Variants in DCAF6 observed in about 807,000 individuals in gnomAD.
DCAF6 encodes the protein DDB1 and CUL4 associated factor 6, also known as DDB1- and CUL4-associated factor 6.
In DCAF6, 54 loss-of-function variants were observed where a neutral mutation model predicts 125.1. That is an observed-to-expected ratio of 0.43 (90% CI 0.35 to 0.54). The LOEUF (loss-of-function observed/expected upper bound fraction) is 0.54. DCAF6 is among the 20% of genes least tolerant of loss of function. The pLI is 0.01. For missense variants in DCAF6, 934 were observed against 1,161.7 expected, an observed-to-expected ratio of 0.80 and a Z score of 2.85; for synonymous variants, 371 against 390.4, an observed-to-expected ratio of 0.95 and a Z score of 0.58.
intron 13 of DCAF6, among the ~76,000 whole-genome samples, chr1:168,042,297 C>T (rs148369208): frequency 1.4e-4 from 21 of 152,088 alleles, no homozygotes; most frequent in African/African-American, 4.3e-4. Context: ...AAATCTCAGT[C>T]AGATTGTTAT....
chr1:167,920,175 C>T, the DCAF6 span: 34 of 839,064 alleles, frequency 4.1e-5, 1 homozygote, highest in Non-Finnish European at 5.9e-5. Context: ...AAAGTAATTA[C>T]AACAATAATG....
Position 167,952,703 on chromosome 1 carries a change from C to T in DCAF6, c.159+842C>T, listed in dbSNP as rs144872925. 2.6e-5 allele frequency among the ~76,000 whole-genome samples: 4 copies of T among 152,234 alleles called. No individual in the cohort carries two copies. The South Asian group carries it at 6.2e-4, about 24-fold the overall frequency. On this transcript the variant is annotated intron_variant, in intron 2 of 21. Transcript: ENST00000367840. ...TGGTATCTCCCACCCTCTTTTCTCTCCAGCTCAAAATGACCCTATCTAGTC... is the reference window on the plus strand; with the variant it reads ...TGGTATCTCCCACCCTCTTTTCTCTTCAGCTCAAAATGACCCTATCTAGTC...
rs554861802 is a variant in DCAF6 at position 168,055,331 on chromosome 1, GTTTTTT to G, written c.2300+4422_2300+4427del. On this transcript the variant is annotated intron_variant, in intron 17 of 21. Transcript: ENST00000367840. ...TTGAATTGAAAAAAATCAGGCTTAAGTTTTTTTTTTTTTTTTTTTTTTTTTTTTTAA... is the reference window on the plus strand; with the variant it reads ...TTGAATTGAAAAAAATCAGGCTTAAGTTTTTTTTTTTTTTTTTTTTTTTAA... 6.6e-4 allele frequency among the ~76,000 whole-genome samples: 21 copies of G among 31,624 alleles called. 7 individuals carry two copies. The highest frequency in any genetic ancestry group is 2.7e-3 in the East Asian group (3 of 1,098). The allele number at this position is 31,624 out of a possible 152,430, so 20.7% of individuals were successfully genotyped here.
At chr1:168,032,695 C>T (rs957727234) in intron 12 of DCAF6, among the ~76,000 whole-genome samples, 2 of 152,062 alleles carry the variant, frequency 1.3e-5, no homozygotes, top group Non-Finnish European at 2.9e-5. Flanking sequence ...CAATAGAAAA[C>T]TCATTAGGTA....
chr1:168,067,426 A>G (rs1267800846), intron 20 of DCAF6, among the ~76,000 whole-genome samples: 2 of 152,104 alleles, frequency 1.3e-5, no homozygotes, highest in Non-Finnish European at 2.9e-5. Flanking sequence ...CTGTTTGTAA[A>G]TGGGGTAGAT....
chr1:168,070,318 CAGTT>C (rs1692868980), intron 21 of DCAF6, among the ~76,000 whole-genome samples: 1 of 151,974 alleles, frequency 6.6e-6, no homozygotes, highest in Non-Finnish European at 1.5e-5. Context: ...TTTGATGGGT[CAGTT>C]AGTCAACCAC....
rs548868962 is a variant in DCAF6, at chr1:167,976,453, C to G, written c.438+1438C>G. Reference sequence around the variant, plus strand: ...CGCTACTGTACTCCAACCTGGGCGACAGAGTGAGACTGTGTCTCAAAAATA... The same window carrying G: ...CGCTACTGTACTCCAACCTGGGCGAGAGAGTGAGACTGTGTCTCAAAAATA... On this transcript the variant is annotated intron_variant, in intron 4 of 21. Transcript: ENST00000367840. Among the ~76,000 whole-genome samples the G allele has an allele frequency of 9.8e-5, 15 of 152,298 alleles. No individual in the cohort carries two copies. The South Asian group carries it at 1.0e-3, about 11-fold the overall frequency.
chr1:167,870,254 C>CACCT, the DCAF6 span: 1 of 1,614,026 alleles, frequency 6.2e-7, no homozygotes, highest in Non-Finnish European at 8.5e-7. Context: ...CCAAGACACT[C>CACCT]ACCTGTGATT....
At chr1:167,911,402 T>A in the DCAF6 span, among the ~76,000 whole-genome samples, 3 of 152,288 alleles carry the variant, frequency 2.0e-5, no homozygotes, top group Non-Finnish European at 2.9e-5. Flanking sequence ...ATATTTGCCC[T>A]GGCATGCTTA....
At chr1:167,995,492 C>T (rs1183838541) in intron 7 of DCAF6, among the ~76,000 whole-genome samples, 6 of 151,982 alleles carry the variant, frequency 3.9e-5, no homozygotes, top group African/African-American at 1.4e-4. Context: ...CCAACCTGGC[C>T]AACATGGTGA....
At chr1:168,012,166 A>G (rs1044618847) in intron 10 of DCAF6, among the ~76,000 whole-genome samples, 3 of 152,228 alleles carry the variant, frequency 2.0e-5, no homozygotes, top group African/African-American at 7.2e-5. Flanking sequence ...TATAGCAGGC[A>G]GATAAAGTGC....
intron 20 of DCAF6, among the ~76,000 whole-genome samples, chr1:168,067,011 C>T (rs912452497): frequency 6.6e-6 from 1 of 152,012 alleles, no homozygotes; most frequent in Non-Finnish European, 1.5e-5. Flanking sequence ...CTTTGGAGCT[C>T]TGGATTTCTT....
intron 4 of DCAF6, among the ~76,000 whole-genome samples, chr1:167,982,431 T>C (rs1399993749): frequency 6.6e-6 from 1 of 152,092 alleles, no homozygotes; most frequent in Non-Finnish European, 1.5e-5. Context: ...CTAGTAGAGA[T>C]GGGGTTTCAC....
intron 21 of DCAF6, among the ~76,000 whole-genome samples, chr1:168,071,040 AT>A (rs751485109): frequency 6.6e-6 from 1 of 152,186 alleles, no homozygotes; most frequent in Non-Finnish European, 1.5e-5. Context: ...TCGTTCACAG[AT>A]TGACTCCCTC....
chr1:168,070,189 A>G (rs1311557257), intron 21 of DCAF6, among the ~76,000 whole-genome samples: 1 of 152,112 alleles, frequency 6.6e-6, no homozygotes. Flanking sequence ...AATCAAAAAG[A>G]CAATTTCTAG....
At chr1:167,902,942 A>G in the DCAF6 span, among the ~76,000 whole-genome samples, 21 of 152,220 alleles carry the variant, frequency 1.4e-4, no homozygotes, top group African/African-American at 4.6e-4. Flanking sequence ...TTTGGGTTTT[A>G]TAGATGCTGG....
intron 20 of DCAF6, 62 bp downstream of exon 20, chr1:168,066,527 A>C: frequency 3.4e-6 from 4 of 1,183,466 alleles, no homozygotes. Flanking sequence ...ATGCTTCCCT[A>C]AGAAAAATTA....
chr1:167,991,879 G>A (rs1298940189), intron 6 of DCAF6, among the ~76,000 whole-genome samples: 1 of 152,108 alleles, frequency 6.6e-6, no homozygotes, highest in Non-Finnish European at 1.5e-5. Context: ...CAGTTAGGGT[G>A]AGGTGGGCCC....
intron 7 of DCAF6, chr1:167,998,670 G>C (rs1682128311): frequency 6.5e-6 from 1 of 153,662 alleles, no homozygotes; most frequent in South Asian, 2.1e-4. Flanking sequence ...TCTTACGGAT[G>C]AGCAAAGAAA....
Sources: allele counts gnomAD v4.1 joint callset (sites outside exome capture counted in the v4.1 genomes callset), GRCh38; gene constraint gnomAD v4.1.1; transcripts MANE v1.5; gene names NCBI Gene and HGNC (gene_info 2026-07-23, HGNC 2026-07-21).